The following TBC1D32 variants were observed in gnomAD, a reference collection of about 807,000 sequenced individuals.
TBC1D32 encodes the protein protein broad-minded.
Under a neutral mutation model 170.3 loss-of-function variants are expected in TBC1D32, and 151 were observed. The ratio of observed to expected loss-of-function variants is 0.89; its 90% CI spans 0.78 to 1.01. The LOEUF is 1.01. Ranked by LOEUF, TBC1D32 falls within the 50% of genes least tolerant of loss-of-function variation. The pLI, the probability that TBC1D32 is intolerant of heterozygous loss-of-function variation, is 0.00. For missense variants in TBC1D32, 1,464 were observed against 1,457.1 expected (o/e 1.00, Z -0.08); for synonymous variants, 498 against 488.0 (o/e 1.02, Z -0.27).
intron 25 of TBC1D32, among the ~76,000 whole-genome samples, chr6:121,130,483 A>G (rs1226792349): frequency 1.3e-5 from 2 of 152,138 alleles, no homozygotes; most frequent in African/African-American, 4.8e-5. Flanking sequence ...CTCTGTCTCA[A>G]AAACTAAACA....
At chr6:121,195,287 G>A (rs1360245538) in intron 22 of TBC1D32, among the ~76,000 whole-genome samples, 1 of 152,214 alleles carries the variant, frequency 6.6e-6, no homozygotes, top group Admixed American at 6.5e-5. Context: ...GTTACAGATA[G>A]GGATGCTGTT....
chr6:121,307,303 G>C (rs188717891), intron 5 of TBC1D32, among the ~76,000 whole-genome samples: 59 of 152,250 alleles, frequency 3.9e-4, no homozygotes, highest in African/African-American at 1.3e-3. Flanking sequence ...TTGAGTTTGG[G>C]AGGTTGAGGC....
At chr6:121,320,644 C>T (rs1809580365) in intron 2 of TBC1D32, among the ~76,000 whole-genome samples, 2 of 152,010 alleles carry the variant, frequency 1.3e-5, no homozygotes, top group African/African-American at 4.8e-5. Flanking sequence ...ATTAGTGAAT[C>T]GAACTTGCTA....
At chr6:121,237,482 A>G (rs898361405) in intron 20 of TBC1D32, among the ~76,000 whole-genome samples, 6 of 151,910 alleles carry the variant, frequency 3.9e-5, no homozygotes, top group African/African-American at 1.4e-4. Flanking sequence ...AGTCAAATGT[A>G]TTTCTGATAT....
In TBC1D32 at chr6:121,079,610, T is replaced by C. The variant is rs1028260885; in HGVS notation, c.*1161A>G. The C allele has an allele frequency of 2.6e-5, 4 of 152,280 alleles. No homozygotes were observed. The East Asian group carries it at 5.8e-4, about 22-fold the overall frequency. The allele number at this position is 152,280 out of a possible 1,614,324, so 9.4% of individuals were successfully genotyped here. A position where few individuals can be genotyped will look rare whatever the true frequency, so the allele number is the denominator to read the frequency against. ...TAAACTCATGACTAAAAATGAATAA[T>C]GTAATATATTCGTGTATTATCTTTC... is the stretch of plus-strand genomic sequence containing the variant. On this transcript the variant is annotated 3_prime_UTR_variant, in exon 32 of 32. Transcript: ENST00000398212.
At chr6:121,148,150 G>A (rs755648388) in intron 24 of TBC1D32, among the ~76,000 whole-genome samples, 26 of 151,074 alleles carry the variant, frequency 1.7e-4, no homozygotes, top group Non-Finnish European at 3.4e-4. Flanking sequence ...CCCAACCCCC[G>A]ACAGGCCCCA....
chr6:121,256,935 G>A (rs530791256), intron 15 of TBC1D32, among the ~76,000 whole-genome samples: 14 of 152,176 alleles, frequency 9.2e-5, no homozygotes, highest in African/African-American at 2.4e-4. Flanking sequence ...GCCTCCCAAA[G>A]TGCTGGGATT....
intron 22 of TBC1D32, 108 bp from the exon 23 acceptor site, chr6:121,161,164 C>T: frequency 1.2e-6 from 1 of 806,762 alleles, no homozygotes; most frequent in South Asian, 1.8e-5. Context: ...ATTTATCAAT[C>T]TATTTCTTTT....
chr6:121,312,186 C>G (rs1299949531), intron 3 of TBC1D32, among the ~76,000 whole-genome samples: 3 of 151,956 alleles, frequency 2.0e-5, no homozygotes, highest in African/African-American at 7.2e-5. Flanking sequence ...CACACTGGGG[C>G]CTGTCAGGGA....
intron 24 of TBC1D32, among the ~76,000 whole-genome samples, chr6:121,143,234 A>G (rs766853039): frequency 6.6e-6 from 1 of 152,166 alleles, no homozygotes; most frequent in East Asian, 1.9e-4. Context: ...ACTCATATAC[A>G]TGTATTCAAG....
intron 26 of TBC1D32, among the ~76,000 whole-genome samples, chr6:121,121,495 C>T (rs886258074): frequency 6.6e-6 from 1 of 152,048 alleles, no homozygotes; most frequent in African/African-American, 2.4e-5. Flanking sequence ...TCTTCACTGT[C>T]TCTTTATTCA....
intron 22 of TBC1D32, among the ~76,000 whole-genome samples, chr6:121,178,992 G>A (rs1052028738): frequency 3.9e-5 from 6 of 152,230 alleles, no homozygotes; most frequent in African/African-American, 1.2e-4. Flanking sequence ...CAGCTAAGAC[G>A]TGTCCAGACA....
intron 31 of TBC1D32, among the ~76,000 whole-genome samples, chr6:121,090,212 G>A (rs910212298): frequency 3.9e-5 from 6 of 152,100 alleles, no homozygotes; most frequent in Admixed American, 2.6e-4. Context: ...GATTACAGGC[G>A]TGAGCCACTG....
chr6:121,182,450 T>C (rs1363847197), intron 22 of TBC1D32, among the ~76,000 whole-genome samples: 9 of 152,034 alleles, frequency 5.9e-5, no homozygotes, highest in Non-Finnish European at 1.3e-4. Context: ...TGATTATGTA[T>C]AAAGATTCCT....
chr6:121,303,643 T>C lies in TBC1D32; in HGVS notation c.1054A>G (p.Lys352Glu), dbSNP rs1420479138. ...PIYFFALVDT[K>E]AVWFKKWMHA... is the part of the protein sequence containing the mutation. ...ATCCACTTTTTGAACCACACAGCCT[T>C]GGTATCAACTAATGCAAAAAAGTAG... The change falls in exon 9 of 32, where the codon AAG becomes GAG. Residue 352 changes from lysine to glutamate, a missense_variant. By Grantham distance (56) the Lys-to-Glu change is moderately conservative. Coordinates refer to ENST00000398212, the MANE Select transcript of TBC1D32 (RefSeq NM_152730.6). 1.3e-6 allele frequency: 2 copies of C among 1,586,320 alleles called. No individual in the cohort carries two copies. Among genetic ancestry groups the C allele is most frequent in the South Asian group, 1.2e-5 (1 of 86,282 alleles).
chr6:121,220,236 C>T (rs1008841662), intron 21 of TBC1D32, among the ~76,000 whole-genome samples: 6 of 152,032 alleles, frequency 3.9e-5, no homozygotes, highest in African/African-American at 1.5e-4. Context: ...TGCCAATTAG[C>T]CAAGTTGTGC....
intron 17 of TBC1D32, among the ~76,000 whole-genome samples, chr6:121,243,216 A>G (rs994048009): frequency 6.6e-6 from 1 of 151,856 alleles, no homozygotes; most frequent in Non-Finnish European, 1.5e-5. Flanking sequence ...TCAAAAATGT[A>G]AAAAAAACTA....
chr6:121,265,941 T>C (rs1800417523), intron 15 of TBC1D32, among the ~76,000 whole-genome samples: 1 of 152,124 alleles, frequency 6.6e-6, no homozygotes, highest in South Asian at 2.1e-4. Flanking sequence ...GATTAAAGAC[T>C]TGAATGCAAA....
chr6:121,262,840 CATAA>C (rs1583454046), intron 15 of TBC1D32, among the ~76,000 whole-genome samples: 2 of 152,064 alleles, frequency 1.3e-5, no homozygotes, highest in Non-Finnish European at 2.9e-5. Flanking sequence ...AACGAAGCTT[CATAA>C]ATAAATAAAA....
Sources: gnomAD v4.1 joint callset for allele counts (sites outside exome capture counted in the v4.1 genomes callset) on GRCh38, gnomAD v4.1.1 for gene constraint, MANE v1.5 for transcripts, NCBI Gene and HGNC (gene_info 2026-07-23, HGNC 2026-07-21) for gene names.